Variants in CYYR1 observed in about 807,000 individuals in gnomAD.
CYYR1 encodes cysteine and tyrosine rich 1.
Under a neutral mutation model 15.2 loss-of-function variants are expected in CYYR1, and 14 were observed. The ratio of observed to expected loss-of-function variants is 0.92; its 90% confidence interval spans 0.61 to 1.44. CYYR1 has a LOEUF of 1.44. Among genes scored for constraint, CYYR1 ranks in the 40% most tolerant of loss-of-function variants. CYYR1 has a pLI of 0.00. For missense variants in CYYR1, 228 were observed against 209.5 expected (o/e 1.09, Z -0.54); for synonymous variants, 80 against 77.4 (o/e 1.03, Z -0.18).
chr21:26,479,493 A>G (rs1473014234), intron 3 of CYYR1, among the ~76,000 whole-genome samples: 1 of 152,120 alleles, frequency 6.6e-6, no homozygotes, highest in African/African-American at 2.4e-5. Context: ...TTATATGTCA[A>G]ATTGTACATG....
At chr21:26,503,663 T>G (rs538436660) in intron 2 of CYYR1, 1 of 152,308 alleles carries the variant, frequency 6.6e-6, no homozygotes, top group South Asian at 2.1e-4. Flanking sequence ...ATTTAAGACA[T>G]CTAATGAACA....
intron 2 of CYYR1, among the ~76,000 whole-genome samples, chr21:26,554,267 G>A (rs1424716515): frequency 2.0e-5 from 3 of 152,140 alleles, no homozygotes; most frequent in Non-Finnish European, 4.4e-5. Flanking sequence ...ATGGAGATGA[G>A]CCATTGGAAT....
intron 2 of CYYR1, among the ~76,000 whole-genome samples, chr21:26,529,367 G>C (rs1388488596): frequency 7.7e-6 from 1 of 130,384 alleles, no homozygotes; most frequent in Non-Finnish European, 1.7e-5. Flanking sequence ...TTTATAAACA[G>C]AGTCACATAT....
intron 2 of CYYR1, among the ~76,000 whole-genome samples, chr21:26,547,422 T>A (rs1394839361): frequency 6.6e-6 from 1 of 152,176 alleles, no homozygotes; most frequent in Non-Finnish European, 1.5e-5. Flanking sequence ...CAAACCATGG[T>A]CTGTTTTGTG....
At chr21:26,511,726 G>A (rs1167932377) in intron 2 of CYYR1, among the ~76,000 whole-genome samples, 1 of 152,122 alleles carries the variant, frequency 6.6e-6, no homozygotes, top group African/African-American at 2.4e-5. Flanking sequence ...TCCACTCAAG[G>A]GTTTGAGTTT....
In CYYR1 at chr21:26,480,445, A is replaced by G; in HGVS notation, c.177-16T>C. On this transcript the variant is annotated splice_polypyrimidine_tract_variant and intron_variant, in intron 2 of 3. Coordinates refer to ENST00000652641, the MANE Select transcript of CYYR1 (RefSeq NM_001320768.2). The stretch of plus-strand genomic sequence containing the variant: ...TGCAGTGCCCCTAAAAGGAAAAACA[A>G]GTAAGTTTACTCAAAAGACTTGTAA... 6.2e-7 allele frequency: 1 copy of G among 1,603,354 alleles called. No individual in the cohort carries two copies. The highest frequency in any genetic ancestry group is 8.5e-7 in the Non-Finnish European group (1 of 1,175,318).
intron 2 of CYYR1, among the ~76,000 whole-genome samples, chr21:26,553,923 C>A (rs1295818623): frequency 6.6e-6 from 1 of 152,156 alleles, no homozygotes; most frequent in African/African-American, 2.4e-5. Context: ...TCAGCTGATC[C>A]TCACTATGAT....
chr21:26,540,241 C>T (rs183299786), intron 2 of CYYR1, among the ~76,000 whole-genome samples: 1 of 152,092 alleles, frequency 6.6e-6, no homozygotes, highest in South Asian at 2.1e-4. Flanking sequence ...TCCCTGAAAT[C>T]CCTGGAGAGA....
intron 2 of CYYR1, among the ~76,000 whole-genome samples, chr21:26,534,714 A>G (rs961486435): frequency 8.5e-5 from 13 of 152,096 alleles, no homozygotes; most frequent in African/African-American, 3.1e-4. Flanking sequence ...AGAAATGGCA[A>G]GGGATCTCTG....
At chr21:26,561,685 G>A (rs1025024124) in intron 2 of CYYR1, among the ~76,000 whole-genome samples, 2 of 152,082 alleles carry the variant, frequency 1.3e-5, no homozygotes, top group Admixed American at 6.6e-5. Flanking sequence ...TCCACAGACC[G>A]ATGAGTGCTT....
At chr21:26,480,632 T>C (rs2065167187) in intron 2 of CYYR1, among the ~76,000 whole-genome samples, 1 of 151,956 alleles carries the variant, frequency 6.6e-6, no homozygotes, top group East Asian at 1.9e-4. Context: ...TCAATAGATA[T>C]GAAAAAGTTA....
rs756177881 is a variant in CYYR1, at chr21:26,468,632, C to A, written c.337G>T (p.Gly113Ter). The part of the protein sequence containing the change: ...HINTVSSYPA[G>*]PPPYGHDHEM... ...TGGTCGTGACCGTAGGGTGGTGGTC[C>A]TGCTGAAAAAGAAGGGGAAGAGAAC... The change falls in exon 4 of 4, where the codon GGA (glycine) becomes TGA (stop). Residue 113 changes from glycine (G) to a stop codon, truncating the protein, a stop_gained and splice_region_variant. Coordinates refer to ENST00000652641, the MANE Select transcript of CYYR1 (RefSeq NM_001320768.2). LOFTEE classifies it high-confidence loss of function. 3 of 1,594,832 alleles carry A rather than the reference C, an allele frequency of 1.9e-6. No individual in the cohort carries two copies. Among genetic ancestry groups the A allele is most frequent in the East Asian group, 4.5e-5 (2 of 44,564 alleles).
chr21:26,520,125 T>C (rs1035838963), intron 2 of CYYR1, among the ~76,000 whole-genome samples: 2 of 142,482 alleles, frequency 1.4e-5, no homozygotes, highest in African/African-American at 5.4e-5. Context: ...TATATATATA[T>C]ATATATATAT....
At chr21:26,551,962 T>A (rs1268301260) in intron 2 of CYYR1, 1 of 152,452 alleles carries the variant, frequency 6.6e-6, no homozygotes, top group African/African-American at 2.4e-5. Context: ...ACTTCACTGT[T>A]GTCTTATTTT....
intron 2 of CYYR1, among the ~76,000 whole-genome samples, chr21:26,535,838 G>T (rs766987491): frequency 5.3e-5 from 8 of 152,152 alleles, no homozygotes; most frequent in Non-Finnish European, 1.2e-4. Flanking sequence ...ACTTACTTAT[G>T]CAGTGAAACT....
intron 2 of CYYR1, among the ~76,000 whole-genome samples, chr21:26,555,438 G>A (rs997309528): frequency 2.0e-5 from 3 of 152,168 alleles, no homozygotes; most frequent in Non-Finnish European, 4.4e-5. Context: ...AGCATAGAGA[G>A]ATATAGTTTT....
At chr21:26,483,170 A>G (rs1023006022) in intron 2 of CYYR1, among the ~76,000 whole-genome samples, 1 of 151,902 alleles carries the variant, frequency 6.6e-6, no homozygotes, top group Non-Finnish European at 1.5e-5. Context: ...TCTTATTTTT[A>G]ATTTTCTGGT....
chr21:26,566,422 A>G (rs966733992), intron 1 of CYYR1, 54 bp from the exon 2 acceptor site: 1 of 1,385,772 alleles, frequency 7.2e-7, no homozygotes, highest in African/African-American at 1.4e-5. Context: ...CACAGTTTCA[A>G]GAAAAATTAT....
intron 2 of CYYR1, among the ~76,000 whole-genome samples, chr21:26,502,314 T>G (rs1420470092): frequency 2.6e-5 from 4 of 152,006 alleles, no homozygotes; most frequent in African/African-American, 7.2e-5. Flanking sequence ...TTTTTTTTTT[T>G]TTTTTGATCT....
Sources: gnomAD v4.1 joint callset for allele counts (sites outside exome capture counted in the v4.1 genomes callset) on GRCh38, gnomAD v4.1.1 for gene constraint, MANE v1.5 for transcripts, NCBI Gene and HGNC (gene_info 2026-07-23, HGNC 2026-07-21) for gene names.